PRIM2: variants seen among roughly 807,000 people sequenced by gnomAD.
PRIM2 encodes DNA primase large subunit.
PRIM2 carries 39 observed loss-of-function variants against 67.3 expected under a neutral mutation model. The ratio of observed to expected loss-of-function variants is 0.58; its 90% CI spans 0.45 to 0.76. The LOEUF (loss-of-function observed/expected upper bound fraction) is 0.76. Ranked by LOEUF, PRIM2 falls within the 30% of genes least tolerant of loss-of-function variation. PRIM2 has a pLI of 0.00. For missense variants in PRIM2, 398 were observed against 598.7 expected, an observed-to-expected ratio of 0.66 and a Z score of 3.50; for synonymous variants, 143 against 198.7, an observed-to-expected ratio of 0.72 and a Z score of 2.36.
chr6:57,542,064 C>T (rs1775171712), intron 10 of PRIM2, among the ~76,000 whole-genome samples: 3 of 151,164 alleles, frequency 2.0e-5, no homozygotes, highest in Admixed American at 2.0e-4. Flanking sequence ...CAACCTCTGC[C>T]TCCCAGGGTT....
chr6:57,338,558 G>A (rs1425558371), intron 5 of PRIM2, among the ~76,000 whole-genome samples: 27 of 150,900 alleles, frequency 1.8e-4, no homozygotes, highest in Non-Finnish European at 2.7e-4. Flanking sequence ...TTCAATATAC[G>A]CAAATCAATA....
chr6:57,420,069 T>A (rs564996927), intron 7 of PRIM2, among the ~76,000 whole-genome samples: 1 of 152,338 alleles, frequency 6.6e-6, no homozygotes, highest in Non-Finnish European at 1.5e-5. Flanking sequence ...TGGTGGTTGC[T>A]AGATTGATTT....
chr6:57,462,892 G>T (rs4990713), intron 7 of PRIM2, among the ~76,000 whole-genome samples: 1 of 152,268 alleles, frequency 6.6e-6, no homozygotes, highest in South Asian at 2.1e-4. Flanking sequence ...TAACTGCTTC[G>T]TAGAGAAGCT....
chr6:57,620,231 CAA>C (rs1263428154), intron 12 of PRIM2, among the ~76,000 whole-genome samples: 65 of 152,216 alleles, frequency 4.3e-4, no homozygotes, highest in African/African-American at 1.6e-3. Context: ...AAATTCATTA[CAA>C]AAAGATCTTC....
At chr6:57,380,693 A>G (rs1769933630) in intron 6 of PRIM2, among the ~76,000 whole-genome samples, 1 of 151,680 alleles carries the variant, frequency 6.6e-6, no homozygotes, top group Non-Finnish European at 1.5e-5. Context: ...GCCCCATTCC[A>G]GCTTCTTCGT....
chr6:57,223,453 A>G, the PRIM2 span, among the ~76,000 whole-genome samples: 1 of 152,194 alleles, frequency 6.6e-6, no homozygotes, highest in South Asian at 2.1e-4. Flanking sequence ...ATTTTTCTGT[A>G]TGTGAATTAT....
At chr6:57,338,958 A>G (rs1034189460) in intron 5 of PRIM2, among the ~76,000 whole-genome samples, 3 of 152,226 alleles carry the variant, frequency 2.0e-5, no homozygotes, top group African/African-American at 7.2e-5. Context: ...AGAAAACAAC[A>G]TTGTCTCAGC....
chr6:57,332,281 C>T (rs928547895), intron 5 of PRIM2, among the ~76,000 whole-genome samples: 1 of 152,006 alleles, frequency 6.6e-6, no homozygotes, highest in Admixed American at 6.5e-5. Flanking sequence ...TATTTTATGA[C>T]CTAGCATATG....
At chr6:57,260,718 G>A in the PRIM2 span, among the ~76,000 whole-genome samples, 6 of 152,132 alleles carry the variant, frequency 3.9e-5, no homozygotes, top group African/African-American at 1.2e-4. Flanking sequence ...ATAAGTAGCC[G>A]GGCAGACAAA....
At position 57,627,766 on chromosome 6, in the gene PRIM2, G is replaced by A. The variant is rs1406825511; in HGVS notation, c.1231-4367G>A. The stretch of plus-strand genomic sequence containing the variant: ...AGTGGATTGTTACACTTGACATTTT[G>A]TACTTTATCTGGAAATACTGGCATT... On this transcript the variant is annotated intron_variant, in intron 12 of 13. Coordinates refer to ENST00000615550, the MANE Select transcript of PRIM2 (RefSeq NM_000947.5). 3.9e-5 allele frequency among the ~76,000 whole-genome samples: 6 copies of A among 152,170 alleles called. No individual in the cohort carries two copies. The East Asian group carries it at 1.2e-3, about 29-fold the overall frequency.
intron 5 of PRIM2, among the ~76,000 whole-genome samples, chr6:57,366,661 G>T (rs3889163): frequency 1.3e-5 from 2 of 152,212 alleles, no homozygotes; most frequent in African/African-American, 2.4e-5. Flanking sequence ...TTTGGATTTG[G>T]ACCGTGCCTG....
At position 57,403,481 on chromosome 6, in the gene PRIM2, C is replaced by G. The variant is rs112439024; in HGVS notation, c.693+21313C>G. ...GTTTCACCATGTTAGCCAGGATGGT[C>G]TCAATCTCCTGACCTCATGGTGCAT... On this transcript the variant is annotated intron_variant, in intron 7 of 13. Coordinates refer to ENST00000615550, the MANE Select transcript of PRIM2 (RefSeq NM_000947.5). 4.4e-4 allele frequency among the ~76,000 whole-genome samples: 67 copies of G among 151,822 alleles called. 1 individual carries two copies. Among genetic ancestry groups the G allele is most frequent in the African/African-American group, 1.2e-3 (50 of 41,406 alleles).
At chr6:57,545,460 C>T (rs1373556596) in intron 10 of PRIM2, among the ~76,000 whole-genome samples, 161 of 152,182 alleles carry the variant, frequency 1.1e-3, no homozygotes, top group Non-Finnish European at 1.3e-3. Flanking sequence ...GATGGAGTTT[C>T]GCTCTTGTTG....
intron 12 of PRIM2, among the ~76,000 whole-genome samples, chr6:57,620,706 T>C (rs1285515434): frequency 2.6e-5 from 4 of 152,214 alleles, no homozygotes; most frequent in Non-Finnish European, 5.9e-5. Context: ...AAGAGCATGA[T>C]GAATGCAAAG....
At chr6:57,539,063 GTTT>G (rs1775078917) in intron 10 of PRIM2, among the ~76,000 whole-genome samples, 2 of 152,190 alleles carry the variant, frequency 1.3e-5, no homozygotes, top group East Asian at 3.9e-4. Context: ...AGCTGTTATA[GTTT>G]TTTCAGATTT....
chr6:57,426,436 C>A (rs1771626315), intron 7 of PRIM2, among the ~76,000 whole-genome samples: 2 of 152,084 alleles, frequency 1.3e-5, no homozygotes, highest in Admixed American at 1.3e-4. Flanking sequence ...GATCAGTATT[C>A]AAGTGTTCAA....
At chr6:57,458,827 A>G (rs1276057790) in intron 7 of PRIM2, among the ~76,000 whole-genome samples, 2 of 152,230 alleles carry the variant, frequency 1.3e-5, no homozygotes, top group Non-Finnish European at 2.9e-5. Context: ...CTTTGTCTTC[A>G]TAAAAAAATT....
chr6:57,630,329 A>T (rs1216172213), intron 12 of PRIM2, among the ~76,000 whole-genome samples: 1 of 152,112 alleles, frequency 6.6e-6, no homozygotes, highest in Non-Finnish European at 1.5e-5. Context: ...GTTAAGGAAG[A>T]GCCCTCTCTG....
chr6:57,412,772 T>C (rs1735658447), intron 7 of PRIM2, among the ~76,000 whole-genome samples: 1 of 151,998 alleles, frequency 6.6e-6, no homozygotes, highest in Non-Finnish European at 1.5e-5. Flanking sequence ...AATAAATATA[T>C]GGGAAAACAA....
Sources: gnomAD v4.1 joint callset for allele counts (sites outside exome capture counted in the v4.1 genomes callset) on GRCh38, gnomAD v4.1.1 for gene constraint, MANE v1.5 for transcripts, NCBI Gene and HGNC (gene_info 2026-07-23, HGNC 2026-07-21) for gene names.